Variants in TTLL8 observed in about 807,000 individuals in gnomAD.
TTLL8 encodes the protein protein monoglycylase TTLL8.
TTLL8 carries 65 observed loss-of-function variants against 77.8 expected under a neutral mutation model. The observed-to-expected ratio is 0.84, with a 90% CI of 0.68 to 1.03. TTLL8 has a LOEUF of 1.03. TTLL8 is among the 50% of genes least tolerant of loss of function. The pLI is 0.00. For synonymous variants in TTLL8, 402 were observed against 422.8 expected, an observed-to-expected ratio of 0.95 and a Z score of 0.60; for missense variants, 910 against 1,004.5, an observed-to-expected ratio of 0.91 and a Z score of 1.27.
intron 6 of TTLL8, among the ~76,000 whole-genome samples, chr22:50,042,885 G>A (rs1569229796): frequency 6.6e-6 from 1 of 152,206 alleles, no homozygotes; most frequent in Admixed American, 6.6e-5. Context: ...CTCATTGCTG[G>A]TGGAAATGCA....
At chr22:50,043,891 G>A (rs1026021013) in intron 6 of TTLL8, among the ~76,000 whole-genome samples, 8 of 152,154 alleles carry the variant, frequency 5.3e-5, no homozygotes, top group Non-Finnish European at 1.2e-4. Context: ...CAGAGCACAG[G>A]GAGTTTTAGG....
intron 8 of TTLL8, among the ~76,000 whole-genome samples, chr22:50,038,598 G>A (rs1369120845): frequency 6.6e-6 from 1 of 152,154 alleles, no homozygotes; most frequent in African/African-American, 2.4e-5. Flanking sequence ...GACTGCTTGA[G>A]GCCAGGCATT....
At chr22:50,029,565 C>T (rs562340827) in intron 12 of TTLL8, among the ~76,000 whole-genome samples, 1 of 152,100 alleles carries the variant, frequency 6.6e-6, no homozygotes, top group South Asian at 2.1e-4. Context: ...ACGGTGAAAC[C>T]CCATCTCTAC....
intron 3 of TTLL8, 111 bp downstream of exon 5, chr22:50,049,138 T>C (rs137911): frequency 0.9 from 1,183,239 of 1,319,312 alleles, 531,659 homozygotes; most frequent in South Asian, 0.96. Flanking sequence ...GGCTTTGCCC[T>C]CGCCGGGCTG....
chr22:50,043,865 CG>C (rs1333219513), intron 6 of TTLL8, among the ~76,000 whole-genome samples: 2 of 151,332 alleles, frequency 1.3e-5, no homozygotes, highest in African/African-American at 4.9e-5. Flanking sequence ...AGCTCGGGGG[CG>C]GGGGGATGAA....
upstream of TTLL8, among the ~76,000 whole-genome samples, chr22:50,056,144 A>G (rs928774988): frequency 3.3e-5 from 5 of 152,242 alleles, no homozygotes; most frequent in African/African-American, 1.2e-4. This position sits in a 1 kb window ranked among gnomAD's most constrained non-coding sequence, Gnocchi z 4.1. Flanking sequence ...GGAAGCATGA[A>G]GTGACTGACA....
intron 3 of TTLL8, among the ~76,000 whole-genome samples, 186 bp from the exon 6 acceptor site, chr22:50,047,482 C>T (rs1003811541): frequency 6.6e-6 from 1 of 152,190 alleles, no homozygotes; most frequent in South Asian, 2.1e-4. Flanking sequence ...CAACCAGGAC[C>T]ACATACGGTT....
Position 50,041,674 on chromosome 22 carries a change from G to A in TTLL8, c.777C>T (p.Asp259=). 1 of 1,367,166 alleles carries A rather than the reference G, an allele frequency of 7.3e-7. No homozygotes were observed. The highest frequency in any genetic ancestry group is 9.8e-7 in the Non-Finnish European group (1 of 1,021,674). 84.7% of individuals were successfully genotyped at this position (1,367,166 alleles called of 1,614,324 possible). Residue 259 remains aspartate, a synonymous_variant, in exon 7 of 14, where the codon GAC becomes GAT. Coordinates refer to ENST00000266182, the Ensembl canonical transcript of TTLL8. The surrounding 1 kb of genome is among the most constrained non-coding windows in gnomAD (Gnocchi z 4.3). ...GGTCCTCCCACTCGGCCTCAGTGAG[G>A]TCCTCCACGGCATCTGCTGACGTGT... is the stretch of plus-strand genomic sequence containing the variant.
At chr22:50,049,430 C>G in intron 2 of TTLL8, 108 bp from the exon 5 acceptor site, 1 of 1,235,610 alleles carries the variant, frequency 8.1e-7, no homozygotes, top group Admixed American at 2.0e-5. Context: ...CTTCCAGAAA[C>G]CTGGCTCCAG....
chr22:50,021,206 A>G (rs546162850), intron 12 of TTLL8, among the ~76,000 whole-genome samples: 8 of 125,900 alleles, frequency 6.4e-5, no homozygotes, highest in Non-Finnish European at 8.2e-5. Context: ...TCTGATGTGT[A>G]CTCCTCCATC....
Position 50,034,431 on chromosome 22 carries a change from A to G in TTLL8, c.953T>C (p.Val318Ala), listed in dbSNP as rs1375275916. ...CCCGTCAATGTCCGTCTGAGGGTTC[A>G]CAGACGTGATTCTATTCAGCAGAGC... Residue 318 changes from valine to alanine, a missense_variant, in exon 9 of 14, where the codon GTG becomes GCG. By Grantham distance (64) the Val-to-Ala change is moderately conservative. Transcript: ENST00000266182. The surrounding 1 kb of genome is among the most constrained non-coding windows in gnomAD (Gnocchi z 4.1). The G allele has an allele frequency of 1.5e-6, 2 of 1,367,354 alleles. No homozygotes were observed. Among genetic ancestry groups the G allele is most frequent in the South Asian group, 1.1e-5 (1 of 88,054 alleles). 84.7% of individuals were successfully genotyped at this position (1,367,354 alleles called of 1,614,324 possible).
At chr22:50,051,003 C>T (rs1212026268) in intron 1 of TTLL8, among the ~76,000 whole-genome samples, 1 of 152,122 alleles carries the variant, frequency 6.6e-6, no homozygotes, top group African/African-American at 2.4e-5. Context: ...GTGGCTCATC[C>T]TGCTACACCA....
At chr22:50,043,349 C>T (rs537345375) in intron 6 of TTLL8, among the ~76,000 whole-genome samples, 2 of 145,368 alleles carry the variant, frequency 1.4e-5, no homozygotes, top group East Asian at 2.1e-4. Context: ...ACAGTGGTAC[C>T]GAGACACCCT....
At chr22:50,025,438 G>C in intron 12 of TTLL8, among the ~76,000 whole-genome samples, 1 of 152,084 alleles carries the variant, frequency 6.6e-6, no homozygotes, top group East Asian at 1.9e-4. Flanking sequence ...TCGGGAGTTC[G>C]AGACCAGCCT....
At chr22:50,043,973 T>C (rs2061392576) in intron 6 of TTLL8, among the ~76,000 whole-genome samples, 1 of 152,166 alleles carries the variant, frequency 6.6e-6, no homozygotes, top group African/African-American at 2.4e-5. Flanking sequence ...ACCTGTAGAA[T>C]GTATAACACC....
exon 12 of TTLL8, chr22:50,030,734 A>G (rs1269413857): frequency 5.3e-6 from 7 of 1,320,394 alleles, no homozygotes; most frequent in Non-Finnish European, 7.0e-6. Flanking sequence ...CCCGCTGGAG[A>G]GCTGGTGATG....
chr22:50,047,969 C>T (rs1367989594), intron 3 of TTLL8, among the ~76,000 whole-genome samples: 1 of 151,986 alleles, frequency 6.6e-6, no homozygotes, highest in Non-Finnish European at 1.5e-5. Flanking sequence ...TGGTGGCGGG[C>T]GCCTGTAATC....
intron 8 of TTLL8, among the ~76,000 whole-genome samples, chr22:50,038,821 AAAAAG>A (rs1487473931): frequency 6.6e-6 from 1 of 152,186 alleles, no homozygotes; most frequent in Non-Finnish European, 1.5e-5. Context: ...CTCAAAAAAA[AAAAAG>A]AAGAGTTTTT....
chr22:50,020,507 GACA>G (rs1344797352), intron 12 of TTLL8, among the ~76,000 whole-genome samples: 1 of 144,098 alleles, frequency 6.9e-6, no homozygotes, highest in African/African-American at 2.6e-5. Flanking sequence ...TCCTCCATCT[GACA>G]ACATGCACTC....
Sources: gnomAD v4.1 joint callset for allele counts (sites outside exome capture counted in the v4.1 genomes callset) on GRCh38, gnomAD v4.1.1 for gene constraint, Gnocchi (gnomAD v3.1) non-coding constraint, MANE v1.5 for transcripts, NCBI Gene and HGNC (gene_info 2026-07-23, HGNC 2026-07-21) for gene names.